Variants in CHRNA7 observed in about 807,000 individuals in gnomAD.
CHRNA7 encodes the protein cholinergic receptor nicotinic alpha 7 subunit.
CHRNA7 carries 17 observed loss-of-function variants against 48.0 expected under a neutral mutation model. The ratio of observed to expected loss-of-function variants is 0.35; its 90% CI spans 0.24 to 0.53. CHRNA7 has a LOEUF of 0.53. CHRNA7 is among the 20% of genes least tolerant of loss of function. CHRNA7 has a pLI of 0.92. For missense variants in CHRNA7, 155 were observed against 577.7 expected (o/e 0.27, Z 7.50); for synonymous variants, 75 against 242.3 (o/e 0.31, Z 6.41).
chr15:32,032,081 T>C (rs1243551629), intron 2 of CHRNA7, among the ~76,000 whole-genome samples: 3 of 152,240 alleles, frequency 2.0e-5, no homozygotes, highest in Admixed American at 1.3e-4. Context: ...ACCCGCACTA[T>C]CATGTTGATG....
At chr15:32,141,653 G>T (rs1304860010) in intron 4 of CHRNA7, among the ~76,000 whole-genome samples, 3 of 152,104 alleles carry the variant, frequency 2.0e-5, no homozygotes, top group African/African-American at 7.2e-5. Flanking sequence ...TTGTAAATTG[G>T]ATTCCTAGGT....
intron 2 of CHRNA7, among the ~76,000 whole-genome samples, chr15:32,057,115 G>A (rs573396735): frequency 1.3e-5 from 2 of 152,282 alleles, no homozygotes; most frequent in East Asian, 3.9e-4. Context: ...AGCTGTTCAT[G>A]GTTAGCTGAA....
chr15:32,103,831 C>A (rs1435833623), intron 3 of CHRNA7, among the ~76,000 whole-genome samples: 1 of 152,170 alleles, frequency 6.6e-6, no homozygotes, highest in Admixed American at 6.5e-5. Context: ...TGGCTCAAAC[C>A]AAAAACCTTG....
At chr15:32,158,742 G>GAGCCCA in intron 7 of CHRNA7, 136 bp downstream of exon 7, 1 of 653,692 alleles carries the variant, frequency 1.5e-6, no homozygotes, top group Non-Finnish European at 2.5e-6. Flanking sequence ...ATGGACCTCC[G>GAGCCCA]AGCCCACGGT....
chr15:32,030,765 GGCAGCGGGGGC>G (rs1219644509), intron 1 of CHRNA7, 116 bp downstream of exon 1: 1 of 1,506,780 alleles, frequency 6.6e-7, no homozygotes, highest in Non-Finnish European at 8.8e-7. Flanking sequence ...GCCGGGGAGG[GGCAGCGGGGGC>G]GCTGCGGGGG....
At chr15:32,114,055 TATATAC>T (rs2050817875) in intron 4 of CHRNA7, among the ~76,000 whole-genome samples, 5 of 31,062 alleles carry the variant, frequency 1.6e-4, no homozygotes, top group East Asian at 1.1e-3. Flanking sequence ...TATATATATA[TATATAC>T]ATATATATAT....
In CHRNA7 at chr15:32,132,159, G is replaced by A. The variant is rs115764997; in HGVS notation, c.350+20260G>A. 3.9e-3 allele frequency among the ~76,000 whole-genome samples: 601 copies of A among 152,172 alleles called. 4 individuals are homozygous for A. The highest frequency in any genetic ancestry group is 0.014 in the African/African-American group (562 of 41,516). Reference sequence around the variant, plus strand: ...AGCTTTTTCCTTTGGTGTTTCCCTGGGGCAGCGCTCTTGGCTAGACACGGT... The same window carrying A: ...AGCTTTTTCCTTTGGTGTTTCCCTGAGGCAGCGCTCTTGGCTAGACACGGT... On this transcript the variant is annotated intron_variant, in intron 4 of 9. Coordinates refer to ENST00000306901, the MANE Select transcript of CHRNA7 (RefSeq NM_000746.6).
At chr15:32,125,457 C>T (rs2051049692) in intron 4 of CHRNA7, among the ~76,000 whole-genome samples, 1 of 152,234 alleles carries the variant, frequency 6.6e-6, no homozygotes, top group Non-Finnish European at 1.5e-5. Flanking sequence ...AGCAGGGTTA[C>T]TGCCTGGGGT....
intron 4 of CHRNA7, among the ~76,000 whole-genome samples, chr15:32,136,875 C>CA (rs1222111629): frequency 8.4e-6 from 1 of 119,644 alleles, no homozygotes; most frequent in Non-Finnish European, 1.8e-5. Context: ...ACTAAAAATA[C>CA]AAAAAAATTA....
intron 4 of CHRNA7, among the ~76,000 whole-genome samples, chr15:32,132,117 G>A (rs572695946): frequency 6.6e-6 from 1 of 152,288 alleles, no homozygotes; most frequent in East Asian, 1.9e-4. Flanking sequence ...TTGCTGATGA[G>A]GCTGCTGGTG....
chr15:32,092,540 T>G (rs1488945897), intron 2 of CHRNA7, among the ~76,000 whole-genome samples: 1 of 152,222 alleles, frequency 6.6e-6, no homozygotes. Context: ...TGGCTGTCAT[T>G]CCAATTTGTT....
chr15:32,049,547 CGTG>C (rs2049625191), intron 2 of CHRNA7, among the ~76,000 whole-genome samples: 1 of 152,118 alleles, frequency 6.6e-6, no homozygotes, highest in Admixed American at 6.6e-5. Context: ...TGTCTCTGCA[CGTG>C]AGATGGGTTT....
At position 32,064,491 on chromosome 15, in the gene CHRNA7, GTATGTGTGTGTA is replaced by G. The variant is rs766194858; in HGVS notation, c.195+33456_195+33467del. Among the ~76,000 whole-genome samples, 134 of 149,276 alleles carry G rather than the reference GTATGTGTGTGTA, an allele frequency of 9.0e-4. 1 individual carries two copies. The highest frequency in any genetic ancestry group is 3.4e-3 in the Middle Eastern group (1 of 290). On this transcript the variant is annotated intron_variant, in intron 2 of 9. Coordinates refer to ENST00000306901, the MANE Select transcript of CHRNA7 (RefSeq NM_000746.6). The stretch of plus-strand genomic sequence containing the variant: ...GAAGCTGTGTGTGTGTAGTGTGTGT[GTATGTGTGTGTA>G]TGTGTGTGTGTGGTGTGTGCAGGCA...
intron 4 of CHRNA7, among the ~76,000 whole-genome samples, chr15:32,114,059 T>TATATATATAC (rs1187735599): frequency 5.7e-4 from 22 of 38,344 alleles, no homozygotes; most frequent in South Asian, 3.8e-3. Flanking sequence ...TATATATATA[T>TATATATATAC]ACATATATAT....
intron 2 of CHRNA7, among the ~76,000 whole-genome samples, chr15:32,089,387 G>A (rs923661626): frequency 3.3e-5 from 5 of 152,022 alleles, no homozygotes; most frequent in Admixed American, 3.3e-4. Flanking sequence ...TTGCTTGGCT[G>A]TGTCCAGGCT....
chr15:32,036,051 T>G (rs1902068171), intron 2 of CHRNA7, among the ~76,000 whole-genome samples: 1 of 152,202 alleles, frequency 6.6e-6, no homozygotes, highest in Non-Finnish European at 1.5e-5. Context: ...CAGAGTATTT[T>G]TACTCTCCTG....
rs144562572 is a variant in CHRNA7, at chr15:32,036,162, C to A, written c.195+5125C>A. Reference sequence around the variant, plus strand: ...CATAGTTGAACCCTTTCCACAATGTCGTATGGTTGGAATCATACAGTCTGT... The same window carrying A: ...CATAGTTGAACCCTTTCCACAATGTAGTATGGTTGGAATCATACAGTCTGT... On this transcript the variant is annotated intron_variant, in intron 2 of 9. Transcript: ENST00000306901. Among the ~76,000 whole-genome samples the A allele has an allele frequency of 3.3e-3, 498 of 152,298 alleles. 1 individual carries two copies. The highest frequency in any genetic ancestry group is 4.1e-3 in the Non-Finnish European group (280 of 68,024).
chr15:32,145,800 G>A (rs1458116966), intron 4 of CHRNA7, among the ~76,000 whole-genome samples: 1 of 152,184 alleles, frequency 6.6e-6, no homozygotes, highest in African/African-American at 2.4e-5. Context: ...GGGCGGGAGT[G>A]TACTGTTTTT....
rs538954432 is a variant in CHRNA7 at position 32,086,197 on chromosome 15, G to A, written c.196-15106G>A. 1.4e-4 allele frequency among the ~76,000 whole-genome samples: 21 copies of A among 151,652 alleles called. No individual in the cohort carries two copies. In the South Asian group the frequency reaches 4.0e-3, roughly 29 times the overall value. ...ATCCTGGCTAACATGGTGAAACCCC[G>A]TCTCTACTAAAAATACAAAAAATTA... is the stretch of plus-strand genomic sequence containing the variant. On this transcript the variant is annotated intron_variant, in intron 2 of 9. Transcript: ENST00000306901.
Sources: gnomAD v4.1 joint callset for allele counts (sites outside exome capture counted in the v4.1 genomes callset) on GRCh38, gnomAD v4.1.1 for gene constraint, MANE v1.5 for transcripts, NCBI Gene and HGNC (gene_info 2026-07-23, HGNC 2026-07-21) for gene names.